SNPH: variants seen among roughly 807,000 people sequenced by gnomAD.
SNPH encodes the protein syntaphilin.
In SNPH, 10 loss-of-function variants were observed where a neutral mutation model predicts 36.8. That is an observed-to-expected ratio of 0.27 (90% CI 0.17 to 0.46). The LOEUF is 0.46. Among genes scored for constraint, SNPH ranks in the 20% least tolerant of loss-of-function variants. SNPH has a pLI of 1.00. For missense variants in SNPH, 622 were observed against 744.0 expected (o/e 0.84, Z 1.91); for synonymous variants, 281 against 312.2 (o/e 0.90, Z 1.05).
At position 1,294,725 on chromosome 20, in the gene SNPH, G is replaced by A. The variant is rs895532429; in HGVS notation, c.-492-226G>A. 3.3e-5 allele frequency among the ~76,000 whole-genome samples: 5 copies of A among 152,186 alleles called. No individual in the cohort carries two copies. Among genetic ancestry groups the A allele is most frequent in the Admixed American group, 6.5e-5 (1 of 15,286 alleles). On this transcript the variant is annotated intron_variant, in intron 2 of 6. Transcript: ENST00000381867. This position sits in a 1 kb window ranked among gnomAD's most constrained non-coding sequence, Gnocchi z 4.4. ...TGTCCACTCAGGAGGCAGCCCCGCC[G>A]CTGGCTGGGATGACCAGGCTCCGGG... is the stretch of plus-strand genomic sequence containing the variant.
rs1049898539 is a variant in SNPH, at chr20:1,305,321, C to G, written c.884C>G (p.Thr295Arg). ...ADSGFAAADD[T>R]LSRTDALEAS... ...AGTGGCTTTGCAGCAGCCGATGACACACTGAGCCGGACGGACGCGCTGGAA... is the reference window on the plus strand; with the variant it reads ...AGTGGCTTTGCAGCAGCCGATGACAGACTGAGCCGGACGGACGCGCTGGAA... Residue 295 changes from threonine to arginine, a missense_variant, in exon 7 of 7, where the codon ACA becomes AGA. Physicochemically the swap from Thr to Arg is moderately conservative, Grantham distance 71. Transcript: ENST00000381867. The G allele has an allele frequency of 2.5e-6, 4 of 1,610,620 alleles. No homozygotes were observed. The highest frequency in any genetic ancestry group is 1.7e-5 in the Admixed American group (1 of 59,990).
chr20:1,296,963 A>G, intron 4 of SNPH, 182 bp from the exon 5 acceptor site: 1 of 805,784 alleles, frequency 1.2e-6, no homozygotes, highest in Non-Finnish European at 1.5e-6. Flanking sequence ...CTGGTTTTCC[A>G]TCTTGATTTG....
intron 2 of SNPH, among the ~76,000 whole-genome samples, chr20:1,269,389 T>C (rs1226895827): frequency 1.3e-5 from 2 of 152,236 alleles, no homozygotes; most frequent in Non-Finnish European, 1.5e-5. Flanking sequence ...AAGAAAATTA[T>C]GACCATTTCA....
chr20:1,273,033 G>A (rs2088090650), intron 2 of SNPH, among the ~76,000 whole-genome samples: 2 of 152,246 alleles, frequency 1.3e-5, no homozygotes, highest in South Asian at 4.1e-4. Flanking sequence ...TGAGAAAGAG[G>A]GGTGCAGAGA....
chr20:1,304,197 A>G lies in SNPH; in HGVS notation c.441-681A>G, dbSNP rs1298025621. ...TTTTCCTCTTTAAGATACAAGATAC[A>G]AGGAGATACAAAGATACAAAGAAGC... On this transcript the variant is annotated intron_variant, in intron 6 of 6. Coordinates refer to ENST00000381867, the MANE Select transcript of SNPH (RefSeq NM_001318234.2). The surrounding 1 kb of genome is among the most constrained non-coding windows in gnomAD (Gnocchi z 4.3). Among the ~76,000 whole-genome samples, 1 of 152,108 alleles carries G rather than the reference A, an allele frequency of 6.6e-6. No individual in the cohort carries two copies. The highest frequency in any genetic ancestry group is 2.4e-5 in the African/African-American group (1 of 41,410).
intron 5 of SNPH, 116 bp from the exon 6 acceptor site, chr20:1,300,446 G>T: frequency 1.8e-6 from 2 of 1,128,468 alleles, no homozygotes; most frequent in Non-Finnish European, 2.6e-6. Context: ...GGCCTGGCTT[G>T]GAGCATCTGG....
chr20:1,277,439 CTGTG>C (rs1225534220), intron 2 of SNPH, among the ~76,000 whole-genome samples: 5 of 148,284 alleles, frequency 3.4e-5, no homozygotes, highest in Non-Finnish European at 6.0e-5. Context: ...GTATGTGTGC[CTGTG>C]TGTGTGTCCA....
chr20:1,274,036 C>A (rs1443644442), intron 2 of SNPH, among the ~76,000 whole-genome samples: 2 of 152,112 alleles, frequency 1.3e-5, no homozygotes, highest in African/African-American at 2.4e-5. Context: ...GTTGAACACA[C>A]ACAACAGGTG....
Position 1,305,081 on chromosome 20 carries a change from A to G in SNPH, c.644A>G (p.Asn215Ser). 6.2e-7 allele frequency: 1 copy of G among 1,614,062 alleles called. No individual in the cohort carries two copies. The highest frequency in any genetic ancestry group is 8.5e-7 in the Non-Finnish European group (1 of 1,180,044). The change falls in exon 7 of 7, where the codon AAC (asparagine) becomes AGC (serine). Residue 215 changes from asparagine (N) to serine (S), a missense_variant. Asn to Ser is a conservative substitution (Grantham distance 46, BLOSUM62 1). Transcript: ENST00000381867. Reference sequence around the variant, plus strand: ...CTGCAGAAGTACTTCGTGGACATCAACATCCAGAACAAGAAGCTGGAGACG... The same window carrying G: ...CTGCAGAAGTACTTCGTGGACATCAGCATCCAGAACAAGAAGCTGGAGACG... ...KGLQKYFVDINIQNKKLETLL... is the reference protein window; with the variant it reads ...KGLQKYFVDISIQNKKLETLL...
intron 2 of SNPH, among the ~76,000 whole-genome samples, chr20:1,286,864 C>A (rs1358700527): frequency 6.6e-6 from 1 of 152,108 alleles, no homozygotes; most frequent in East Asian, 1.9e-4. Flanking sequence ...AAGGGGCTGT[C>A]GTCGCAGGCA....
In SNPH at chr20:1,305,942, G is replaced by C; in HGVS notation, c.1505G>C (p.Ser502Thr). ...RRQGQPIYNI[S>T]SLLRGCCTVA... ...CAGGGCCAGCCCATCTACAACATCA[G>C]CTCCCTGCTGCGGGGCTGCTGCACT... Residue 502 changes from serine (S) to threonine (T), a missense_variant, in exon 7 of 7, where the codon AGC becomes ACC. Ser to Thr is a moderately conservative substitution (Grantham distance 58, BLOSUM62 1). This residue lies in a region of SNPH where 379 missense variants were observed against 427.9 expected (regional missense o/e 0.89). Coordinates refer to ENST00000381867, the MANE Select transcript of SNPH (RefSeq NM_001318234.2). 1 of 1,582,288 alleles carries C rather than the reference G, an allele frequency of 6.3e-7. No homozygotes were observed. Among genetic ancestry groups the C allele is most frequent in the Non-Finnish European group, 8.6e-7 (1 of 1,164,722 alleles).
At chr20:1,281,264 C>G (rs2088216972) in intron 2 of SNPH, among the ~76,000 whole-genome samples, 1 of 152,224 alleles carries the variant, frequency 6.6e-6, no homozygotes, top group Admixed American at 6.5e-5. Flanking sequence ...ATTTTAACCT[C>G]TATAGCCTTC....
chr20:1,280,186 A>G (rs1363693579), intron 2 of SNPH, among the ~76,000 whole-genome samples: 1 of 152,168 alleles, frequency 6.6e-6, no homozygotes, highest in Non-Finnish European at 1.5e-5. Flanking sequence ...CCTCTTTCTC[A>G]GCTCATCAGC....
intron 2 of SNPH, among the ~76,000 whole-genome samples, chr20:1,272,236 T>G (rs1053898621): frequency 1.7e-4 from 26 of 152,240 alleles, no homozygotes; most frequent in African/African-American, 5.8e-4. Flanking sequence ...TTGGCCCAGT[T>G]ATTTTTTTCC....
rs1377931555 is a variant in SNPH at position 1,307,580 on chromosome 20, G to A, written c.*1526G>A. 6.6e-6 allele frequency: 1 copy of A among 152,642 alleles called. No homozygotes were observed. The highest frequency in any genetic ancestry group is 1.5e-5 in the Non-Finnish European group (1 of 68,206). 9.5% of individuals were successfully genotyped at this position (152,642 alleles called of 1,614,324 possible). On this transcript the variant is annotated 3_prime_UTR_variant, in exon 7 of 7. Transcript: ENST00000381867. Reference sequence around the variant, plus strand: ...GCCCCTCTGGCCTAAGGGCCACTCTGGTTATCTGCCAAGGTTGCTTGCCCT... The same window carrying A: ...GCCCCTCTGGCCTAAGGGCCACTCTAGTTATCTGCCAAGGTTGCTTGCCCT...
At chr20:1,281,502 C>T (rs2088222649) in intron 2 of SNPH, among the ~76,000 whole-genome samples, 1 of 152,200 alleles carries the variant, frequency 6.6e-6, no homozygotes, top group Non-Finnish European at 1.5e-5. Context: ...CTTCTCTCTA[C>T]TCTCCCTATG....
At chr20:1,296,498 C>A in intron 4 of SNPH, 77 bp downstream of exon 4, 2 of 1,271,782 alleles carry the variant, frequency 1.6e-6, no homozygotes, top group Non-Finnish European at 2.2e-6. Context: ...TACCTGCCAC[C>A]AACTTGCAGT....
chr20:1,269,759 G>A (rs2088050912), intron 2 of SNPH, among the ~76,000 whole-genome samples: 2 of 152,162 alleles, frequency 1.3e-5, no homozygotes, highest in Non-Finnish European at 2.9e-5. Flanking sequence ...TAATGGTTAG[G>A]CCTGAATGAC....
In SNPH at chr20:1,276,772, T is replaced by G. The variant is rs1228310378; in HGVS notation, c.-493+10012T>G. On this transcript the variant is annotated intron_variant, in intron 2 of 6. Coordinates refer to ENST00000381867, the MANE Select transcript of SNPH (RefSeq NM_001318234.2). The surrounding 1 kb of genome is among the most constrained non-coding windows in gnomAD (Gnocchi z 4.6). ...TGAGCTCCCTCCTCACTGGAGGTAT[T>G]CAAACTGGGTCCGGGTGACTGCAGA... Among the ~76,000 whole-genome samples, 1 of 152,162 alleles carries G rather than the reference T, an allele frequency of 6.6e-6. No individual in the cohort carries two copies. The highest frequency in any genetic ancestry group is 2.4e-5 in the African/African-American group (1 of 41,438).
Sources: gnomAD v4.1 joint callset for allele counts (sites outside exome capture counted in the v4.1 genomes callset) on GRCh38, gnomAD v4.1.1 for gene constraint, gnomAD v4.1.1 regional missense constraint, Gnocchi (gnomAD v3.1) non-coding constraint, MANE v1.5 for transcripts, NCBI Gene and HGNC (gene_info 2026-07-23, HGNC 2026-07-21) for gene names.